PRIM2: variants seen among roughly 807,000 people sequenced by gnomAD.
The protein encoded by PRIM2 is DNA primase large subunit.
In PRIM2, 39 loss-of-function variants were observed where a neutral mutation model predicts 67.3. That is an observed-to-expected ratio of 0.58 (90% CI 0.45 to 0.76). PRIM2 has a LOEUF of 0.76. Among genes scored for constraint, PRIM2 ranks in the 30% least tolerant of loss-of-function variants. The pLI, the probability that PRIM2 is intolerant of heterozygous loss-of-function variation, is 0.00. For synonymous variants in PRIM2, 143 were observed against 198.7 expected, an observed-to-expected ratio of 0.72 and a Z score of 2.36; for missense variants, 398 against 598.7, an observed-to-expected ratio of 0.66 and a Z score of 3.50.
At chr6:57,296,860 A>G in the PRIM2 span, among the ~76,000 whole-genome samples, 1 of 152,106 alleles carries the variant, frequency 6.6e-6, no homozygotes. Flanking sequence ...GGTCTGTAAC[A>G]TTGTGTGGTG....
the PRIM2 span, among the ~76,000 whole-genome samples, chr6:57,275,990 G>T: frequency 4.9e-4 from 74 of 152,296 alleles, no homozygotes; most frequent in African/African-American, 1.7e-3. Flanking sequence ...GAAGGAACTG[G>T]AGCTCCATGT....
At chr6:57,317,213 C>T (rs998811817), upstream of PRIM2, among the ~76,000 whole-genome samples, 23 of 152,072 alleles carry the variant, frequency 1.5e-4, no homozygotes, top group African/African-American at 5.3e-4. Context: ...CAAAAAAGAT[C>T]CTAATGCCTT....
chr6:57,245,335 T>C, the PRIM2 span, among the ~76,000 whole-genome samples: 1 of 151,558 alleles, frequency 6.6e-6, no homozygotes, highest in East Asian at 2.0e-4. Context: ...TGTAGGTCTT[T>C]CTGAGTGCAA....
At chr6:57,424,700 A>T (rs1158572150) in intron 7 of PRIM2, among the ~76,000 whole-genome samples, 3 of 152,208 alleles carry the variant, frequency 2.0e-5, no homozygotes, top group African/African-American at 7.2e-5. Context: ...AATACATTAA[A>T]AAGACATTGA....
the PRIM2 span, among the ~76,000 whole-genome samples, chr6:57,264,170 C>T: frequency 6.6e-6 from 1 of 151,980 alleles, no homozygotes; most frequent in South Asian, 2.1e-4. Flanking sequence ...TTTATTGGCT[C>T]TTTTTTCCTC....
chr6:57,415,750 C>G (rs1270620237), intron 7 of PRIM2, among the ~76,000 whole-genome samples: 2 of 152,338 alleles, frequency 1.3e-5, no homozygotes, highest in East Asian at 3.9e-4. Context: ...CAACAATGTT[C>G]ATAGCATCTT....
At chr6:57,549,574 G>A (rs1775359673) in intron 10 of PRIM2, among the ~76,000 whole-genome samples, 2 of 151,910 alleles carry the variant, frequency 1.3e-5, no homozygotes. Context: ...GAAATACTAT[G>A]TAATCTATAA....
At chr6:57,504,607 C>T (rs1256821743) in intron 7 of PRIM2, among the ~76,000 whole-genome samples, 1 of 152,148 alleles carries the variant, frequency 6.6e-6, no homozygotes, top group East Asian at 1.9e-4. Context: ...TTAAACAACT[C>T]GTTTAGGCTT....
At chr6:57,310,873 G>C (rs1391906987), upstream of PRIM2, among the ~76,000 whole-genome samples, 1 of 151,322 alleles carries the variant, frequency 6.6e-6, no homozygotes, top group African/African-American at 2.4e-5. Flanking sequence ...CAGCTGGGCA[G>C]AGGCGCTCCT....
At chr6:57,567,846 G>A (rs1391897802) in intron 10 of PRIM2, among the ~76,000 whole-genome samples, 2 of 152,072 alleles carry the variant, frequency 1.3e-5, no homozygotes, top group Admixed American at 1.3e-4. Flanking sequence ...TAAAGAGCAA[G>A]CAAAATCATA....
chr6:57,573,424 TAC>T (rs1453188461), intron 10 of PRIM2, among the ~76,000 whole-genome samples: 3 of 152,152 alleles, frequency 2.0e-5, no homozygotes, highest in Admixed American at 2.0e-4. Flanking sequence ...TTTTTTTTAT[TAC>T]AGTCTATTTA....
rs1554347692 is a variant in PRIM2 at position 57,511,284 on chromosome 6, G to A, written c.761+3830G>A. Among the ~76,000 whole-genome samples the A allele has an allele frequency of 2.9e-4, 44 of 152,188 alleles. 1 individual carries two copies. The highest frequency in any genetic ancestry group is 9.8e-4 in the Admixed American group (15 of 15,286). ...CAATTCTCAAGTACAGAAAAACATC[G>A]TGCTTCAATATCTTATGGCAGTACA... On this transcript the variant is annotated intron_variant, in intron 8 of 13. Coordinates refer to ENST00000615550, the MANE Select transcript of PRIM2 (RefSeq NM_000947.5).
intron 7 of PRIM2, among the ~76,000 whole-genome samples, chr6:57,411,327 A>G (rs1419530390): frequency 3.9e-5 from 6 of 152,210 alleles, no homozygotes; most frequent in Non-Finnish European, 7.3e-5. Context: ...CTAGTAGCTT[A>G]CGCCTATAAT....
At chr6:57,468,869 C>A (rs1234661265) in intron 7 of PRIM2, among the ~76,000 whole-genome samples, 5 of 152,124 alleles carry the variant, frequency 3.3e-5, no homozygotes. Context: ...TGTTCAGGGC[C>A]AAGGCTAATG....
In PRIM2 at chr6:57,366,650, A is replaced by G. The variant is rs545213181; in HGVS notation, c.460-13251A>G. On this transcript the variant is annotated intron_variant, in intron 5 of 13. Coordinates refer to ENST00000615550, the MANE Select transcript of PRIM2 (RefSeq NM_000947.5). ...AAGTGGATGTTGTGATGTCGACAAG[A>G]TTTGGATTTGGACCGTGCCTGTTCC... 5.9e-5 allele frequency among the ~76,000 whole-genome samples: 9 copies of G among 152,240 alleles called. 1 individual carries two copies. In the South Asian group the frequency reaches 1.9e-3, roughly 32 times the overall value.
intron 10 of PRIM2, among the ~76,000 whole-genome samples, chr6:57,555,002 A>T (rs1775483416): frequency 6.6e-6 from 1 of 152,236 alleles, no homozygotes; most frequent in African/African-American, 2.4e-5. Context: ...AAGATAAACC[A>T]AAGTTCTAAA....
chr6:57,455,535 A>G (rs1454574242), intron 7 of PRIM2, among the ~76,000 whole-genome samples: 1 of 152,308 alleles, frequency 6.6e-6, no homozygotes, highest in Non-Finnish European at 1.5e-5. Flanking sequence ...CTTTACCATT[A>G]TGTAATGGCC....
chr6:57,393,280 T>C (rs1247437579), intron 7 of PRIM2, among the ~76,000 whole-genome samples: 1 of 152,194 alleles, frequency 6.6e-6, no homozygotes, highest in South Asian at 2.1e-4. Context: ...ATCAGCAGTG[T>C]AGAAATGTTC....
At position 57,500,794 on chromosome 6, in the gene PRIM2, G is replaced by A. The variant is rs1179325449; in HGVS notation, c.694-6593G>A. On this transcript the variant is annotated intron_variant, in intron 7 of 13. Coordinates refer to ENST00000615550, the MANE Select transcript of PRIM2 (RefSeq NM_000947.5). ...TAATCTGTAACAAAGGTCAGTGATT[G>A]GAAGCAGGGAGGTTTGGTCTCTCCT... 9.3e-4 allele frequency among the ~76,000 whole-genome samples: 141 copies of A among 152,306 alleles called. 1 individual carries two copies. The highest frequency in any genetic ancestry group is 1.7e-3 in the Non-Finnish European group (116 of 68,018).
Sources: gnomAD v4.1 joint callset for allele counts (sites outside exome capture counted in the v4.1 genomes callset) on GRCh38, gnomAD v4.1.1 for gene constraint, MANE v1.5 for transcripts, NCBI Gene and HGNC (gene_info 2026-07-23, HGNC 2026-07-21) for gene names.